STMN2: variants seen among roughly 807,000 people sequenced by gnomAD.
The protein encoded by STMN2 is stathmin-2.
Under a neutral mutation model 24.1 loss-of-function variants are expected in STMN2, and 2 were observed. The ratio of observed to expected loss-of-function variants is 0.08; its 90% CI spans 0.03 to 0.26. The LOEUF is 0.26. Among genes scored for constraint, STMN2 ranks in the 10% least tolerant of loss-of-function variants. The probability of loss-of-function intolerance (pLI) is 1.00; values close to 1 mark genes in which losing one functional copy is unlikely to be tolerated. For missense variants in STMN2, 114 were observed against 213.6 expected, an observed-to-expected ratio of 0.53 and a Z score of 2.91; for synonymous variants, 83 against 77.5, an observed-to-expected ratio of 1.07 and a Z score of -0.37.
intron 1 of STMN2, among the ~76,000 whole-genome samples, chr8:79,618,331 G>A (rs1809430845): frequency 6.6e-6 from 1 of 152,190 alleles, no homozygotes; most frequent in African/African-American, 2.4e-5. Flanking sequence ...TGCAGGCTCA[G>A]CACAGCATCG....
At chr8:79,644,311 C>T (rs1810173134) in intron 3 of STMN2, among the ~76,000 whole-genome samples, 1 of 152,226 alleles carries the variant, frequency 6.6e-6, no homozygotes, top group African/African-American at 2.4e-5. Flanking sequence ...CCTGTCATCT[C>T]TTCCTGCATT....
intron 1 of STMN2, among the ~76,000 whole-genome samples, chr8:79,632,182 T>A (rs1279045749): frequency 6.6e-6 from 1 of 152,108 alleles, no homozygotes; most frequent in Non-Finnish European, 1.5e-5. Flanking sequence ...TGACAGGGGT[T>A]TTTTTCTTAA....
chr8:79,613,409 G>A (rs1809296746), intron 1 of STMN2: 1 of 985,456 alleles, frequency 1.0e-6, no homozygotes, highest in Non-Finnish European at 1.2e-6. Flanking sequence ...CGCCCCCGCG[G>A]TGCAGCCGGG....
At chr8:79,643,416 G>A (rs1056894344) in intron 3 of STMN2, among the ~76,000 whole-genome samples, 1 of 151,998 alleles carries the variant, frequency 6.6e-6, no homozygotes. Context: ...AGCAGTTTAA[G>A]CTCTGACCCA....
chr8:79,664,701 G>T, intron 4 of STMN2, 114 bp from the exon 5 acceptor site: 1 of 917,232 alleles, frequency 1.1e-6, no homozygotes, highest in Non-Finnish European at 1.6e-6. Flanking sequence ...TCTGAAATGG[G>T]AAAAATTCAT....
intron 1 of STMN2, among the ~76,000 whole-genome samples, chr8:79,624,101 T>C (rs1351102911): frequency 6.6e-6 from 1 of 152,160 alleles, no homozygotes; most frequent in African/African-American, 2.4e-5. Context: ...TTTAAGACAG[T>C]GTACACAGTT....
intron 2 of STMN2, 140 bp from the exon 3 acceptor site, chr8:79,641,238 G>C (rs1434391165): frequency 1.0e-5 from 8 of 798,162 alleles, no homozygotes; most frequent in African/African-American, 3.5e-5. Context: ...AAACAACATA[G>C]AGCAAATGCT....
intron 4 of STMN2, among the ~76,000 whole-genome samples, chr8:79,661,777 T>C (rs1382225149): frequency 2.0e-5 from 3 of 152,004 alleles, no homozygotes; most frequent in Non-Finnish European, 2.9e-5. Context: ...GCAAGTCTGT[T>C]TGACTCCAAA....
At chr8:79,622,391 T>C (rs1275503326) in intron 1 of STMN2, among the ~76,000 whole-genome samples, 1 of 152,226 alleles carries the variant, frequency 6.6e-6, no homozygotes, top group Admixed American at 6.5e-5. Flanking sequence ...TCTTATACTT[T>C]GTTAATTTCT....
chr8:79,657,014 C>T lies in STMN2; in HGVS notation c.480+1952C>T, dbSNP rs543645471. On this transcript the variant is annotated intron_variant, in intron 4 of 4. Coordinates refer to ENST00000220876, the MANE Select transcript of STMN2 (RefSeq NM_007029.4). ...TCAGCCTCCCAAGTAGCTGAGATTA[C>T]AGGCGTATACCACCACGCCCAGCTA... Among the ~76,000 whole-genome samples the T allele has an allele frequency of 2.5e-4, 38 of 152,248 alleles. No individual in the cohort carries two copies. The East Asian group carries it at 6.8e-3, about 27-fold the overall frequency.
At chr8:79,653,553 T>G (rs1371504957) in intron 3 of STMN2, among the ~76,000 whole-genome samples, 1 of 152,182 alleles carries the variant, frequency 6.6e-6, no homozygotes, top group Non-Finnish European at 1.5e-5. Context: ...GACTTTCCCA[T>G]TTCTGTAGAA....
intron 1 of STMN2, among the ~76,000 whole-genome samples, chr8:79,619,453 T>C (rs1231414119): frequency 6.6e-6 from 1 of 152,118 alleles, no homozygotes; most frequent in African/African-American, 2.4e-5. Flanking sequence ...ATAATAATAG[T>C]TTCCCAGTTT....
chr8:79,621,973 TTAAAAA>T (rs1809525351), intron 1 of STMN2, among the ~76,000 whole-genome samples: 2 of 152,304 alleles, frequency 1.3e-5, no homozygotes, highest in Admixed American at 1.3e-4. Context: ...TTCTGTGCAA[TTAAAAA>T]TAATCAGCTT....
Position 79,645,997 on chromosome 8 carries a change from AT to A in STMN2, c.288+4455del, listed in dbSNP as rs569846048. Among the ~76,000 whole-genome samples, 114 of 152,094 alleles carry A rather than the reference AT, an allele frequency of 7.5e-4. 1 individual carries two copies. Among genetic ancestry groups the A allele is most frequent in the African/African-American group, 2.6e-3 (106 of 41,490 alleles). On this transcript the variant is annotated intron_variant, in intron 3 of 4. Transcript: ENST00000220876. ...CTTGGCAATAGTTATTACTGTAAAC[AT>A]TTTTTTTCTTTCTTATTCAACTCCT...
In STMN2 at chr8:79,635,319, A is replaced by T. The variant is rs1809917292; in HGVS notation, c.20-1483A>T. Reference sequence around the variant, plus strand: ...CTTATCAGATGTAATCAGAGCTCAGATCGAGGGCTTTGGTGTGTGTAGAAA... The same window carrying T: ...CTTATCAGATGTAATCAGAGCTCAGTTCGAGGGCTTTGGTGTGTGTAGAAA... On this transcript the variant is annotated intron_variant, in intron 1 of 4. Coordinates refer to ENST00000220876, the MANE Select transcript of STMN2 (RefSeq NM_007029.4). Among the ~76,000 whole-genome samples the T allele has an allele frequency of 2.0e-5, 3 of 152,238 alleles. No individual in the cohort carries two copies. In the South Asian group the frequency reaches 6.2e-4, roughly 31 times the overall value.
chr8:79,637,257 C>T (rs998344114), intron 2 of STMN2, among the ~76,000 whole-genome samples: 2 of 152,146 alleles, frequency 1.3e-5, no homozygotes, highest in Non-Finnish European at 2.9e-5. Context: ...ACTTAGAAAA[C>T]TCAAGAGAAA....
intron 1 of STMN2, among the ~76,000 whole-genome samples, chr8:79,635,322 G>A (rs1425026694): frequency 3.9e-5 from 6 of 152,200 alleles, no homozygotes; most frequent in African/African-American, 1.2e-4. Flanking sequence ...AGCTCAGATC[G>A]AGGGCTTTGG....
rs1246636041 is a variant in STMN2, at chr8:79,625,630, C to CT, written c.20-11172_20-11171insT. 2.0e-5 allele frequency among the ~76,000 whole-genome samples: 3 copies of CT among 152,288 alleles called. No homozygotes were observed. The East Asian group carries it at 5.8e-4, about 29-fold the overall frequency. On this transcript the variant is annotated intron_variant, in intron 1 of 4. Coordinates refer to ENST00000220876, the MANE Select transcript of STMN2 (RefSeq NM_007029.4). The stretch of plus-strand genomic sequence containing the variant: ...AAGGCTCCACAACACTTGGCTATAG[C>CT]AAAGCCCCTTAAAACTTCAAAAGGT...
chr8:79,611,671 G>T (rs552339782), intron 1 of STMN2: 3 of 610,012 alleles, frequency 4.9e-6, no homozygotes, highest in South Asian at 6.8e-5. Flanking sequence ...AAGTCAAAGC[G>T]GTCCCATCCC....
Sources: allele counts gnomAD v4.1 joint callset (sites outside exome capture counted in the v4.1 genomes callset), GRCh38; gene constraint gnomAD v4.1.1; transcripts MANE v1.5; gene names NCBI Gene and HGNC (gene_info 2026-07-23, HGNC 2026-07-21).